SH3RF3: variants seen among roughly 807,000 people sequenced by gnomAD.
SH3RF3 encodes the protein SH3 domain containing ring finger 3.
A neutral mutation model predicts 66.3 loss-of-function variants in SH3RF3; 29 were observed. The observed-to-expected ratio is 0.44, with a 90% CI of 0.33 to 0.60. The LOEUF is 0.60. SH3RF3 is among the 20% of genes least tolerant of loss of function. The pLI is 0.04. For missense variants in SH3RF3, 1,194 were observed against 1,190.9 expected, an observed-to-expected ratio of 1.00 and a Z score of -0.04; for synonymous variants, 583 against 532.0, an observed-to-expected ratio of 1.10 and a Z score of -1.32.
At chr2:109,191,253 G>A (rs1374235955) in intron 1 of SH3RF3, among the ~76,000 whole-genome samples, 1 of 152,176 alleles carries the variant, frequency 6.6e-6, no homozygotes, top group Non-Finnish European at 1.5e-5. Context: ...CGGGAAGGTT[G>A]TTTCTGACAT....
intron 1 of SH3RF3, among the ~76,000 whole-genome samples, chr2:109,219,168 GGGCTACC>G (rs1679172272): frequency 6.6e-6 from 1 of 152,200 alleles, no homozygotes; most frequent in South Asian, 2.1e-4. Flanking sequence ...GAGGATAGAG[GGGCTACC>G]GCCTGGAGCA....
At chr2:109,423,140 C>T (rs964023911) in intron 5 of SH3RF3, among the ~76,000 whole-genome samples, 1 of 152,102 alleles carries the variant, frequency 6.6e-6, no homozygotes, top group Non-Finnish European at 1.5e-5. Context: ...ACCCAGATGG[C>T]ACCTGAGGGA....
intron 3 of SH3RF3, among the ~76,000 whole-genome samples, chr2:109,381,768 C>T (rs180860082): frequency 1.1e-4 from 16 of 152,146 alleles, no homozygotes; most frequent in Admixed American, 2.0e-4. Flanking sequence ...GCTCTCGCTT[C>T]GCAGAAGGGG....
At chr2:109,378,651 G>C (rs1000712447) in intron 3 of SH3RF3, among the ~76,000 whole-genome samples, 5 of 152,164 alleles carry the variant, frequency 3.3e-5, no homozygotes, top group African/African-American at 7.2e-5. Flanking sequence ...TGGTGTTTTT[G>C]AGGCTCGCTT....
chr2:109,431,341 G>A (rs578260060), intron 5 of SH3RF3, among the ~76,000 whole-genome samples: 96 of 152,328 alleles, frequency 6.3e-4, no homozygotes, highest in African/African-American at 2.0e-3. Flanking sequence ...ACCAGCTTCC[G>A]TGGCTGAATC....
At chr2:109,199,109 C>T (rs901972621) in intron 1 of SH3RF3, among the ~76,000 whole-genome samples, 19 of 151,972 alleles carry the variant, frequency 1.3e-4, no homozygotes, top group Non-Finnish European at 2.8e-4. Flanking sequence ...CCTGTAATCC[C>T]AGCACTTTGG....
At chr2:109,262,476 G>C (rs541059596) in intron 1 of SH3RF3, among the ~76,000 whole-genome samples, 1 of 152,186 alleles carries the variant, frequency 6.6e-6, no homozygotes. Context: ...GACAGTGTCC[G>C]GAGGCCCCAC....
At chr2:109,133,967 G>A (rs1285476208) in intron 1 of SH3RF3, among the ~76,000 whole-genome samples, 1 of 152,158 alleles carries the variant, frequency 6.6e-6, no homozygotes, top group East Asian at 1.9e-4. Context: ...GGTTAGTCCA[G>A]CTGGTCAGCT....
At chr2:109,372,100 A>C (rs1683285261) in intron 3 of SH3RF3, among the ~76,000 whole-genome samples, 1 of 152,202 alleles carries the variant, frequency 6.6e-6, no homozygotes, top group South Asian at 2.1e-4. Flanking sequence ...CACGGATTGG[A>C]AGGAACCGTT....
chr2:109,163,748 G>C (rs2104918423), intron 1 of SH3RF3, among the ~76,000 whole-genome samples: 1 of 152,252 alleles, frequency 6.6e-6, no homozygotes, highest in East Asian at 1.9e-4. Context: ...TGAGTAACTG[G>C]AATCGCCATC....
intron 1 of SH3RF3, among the ~76,000 whole-genome samples, chr2:109,242,093 A>G (rs914695280): frequency 6.6e-6 from 1 of 151,164 alleles, no homozygotes; most frequent in African/African-American, 2.4e-5. Context: ...CCTGCCACAC[A>G]GGGTGGCTCC....
intron 9 of SH3RF3, among the ~76,000 whole-genome samples, chr2:109,496,337 T>A (rs530914830): frequency 6.6e-6 from 1 of 152,288 alleles, no homozygotes; most frequent in East Asian, 1.9e-4. Flanking sequence ...TACAATCCTC[T>A]TGCTAGCTAC....
rs1017888293 is a variant in SH3RF3 at position 109,347,568 on chromosome 2, C to T, written c.574-106C>T. ...TTGCGGGGCACTCTGTATGCACCCC[C>T]AGGACACAGAAAGCCCCTGAGAAGC... On this transcript the variant is annotated intron_variant, in intron 1 of 9. Coordinates refer to ENST00000309415, the MANE Select transcript of SH3RF3 (RefSeq NM_001099289.3). 10 of 1,452,306 alleles carry T rather than the reference C, an allele frequency of 6.9e-6. No homozygotes were observed. The Admixed American group carries it at 1.8e-4, about 26-fold the overall frequency. 90.0% of individuals were successfully genotyped at this position (1,452,306 alleles called of 1,614,324 possible).
intron 1 of SH3RF3, among the ~76,000 whole-genome samples, chr2:109,210,775 T>G (rs955492759): frequency 2.0e-5 from 3 of 152,180 alleles, no homozygotes; most frequent in Non-Finnish European, 4.4e-5. Flanking sequence ...GTCGACTGCT[T>G]CTCTGGCAAG....
intron 3 of SH3RF3, 109 bp downstream of exon 3, chr2:109,371,790 C>G: frequency 1.1e-6 from 1 of 896,848 alleles, no homozygotes; most frequent in Non-Finnish European, 1.8e-6. Flanking sequence ...AAAGAGGATC[C>G]TCCACAATAG....
At chr2:109,436,343 C>T (rs1301752586) in intron 6 of SH3RF3, among the ~76,000 whole-genome samples, 1 of 152,186 alleles carries the variant, frequency 6.6e-6, no homozygotes, top group Non-Finnish European at 1.5e-5. Context: ...GAGCTGATGT[C>T]ATCTGGAAAC....
intron 1 of SH3RF3, among the ~76,000 whole-genome samples, chr2:109,143,318 A>T (rs944342687): frequency 3.3e-5 from 5 of 152,064 alleles, no homozygotes; most frequent in African/African-American, 1.2e-4. Context: ...TAGTTTGGAT[A>T]AAAAATGCCT....
At chr2:109,434,084 C>T (rs1362992743) in intron 6 of SH3RF3, among the ~76,000 whole-genome samples, 1 of 152,240 alleles carries the variant, frequency 6.6e-6, no homozygotes, top group Non-Finnish European at 1.5e-5. Flanking sequence ...CTTGAAGCCC[C>T]TGGCCTGGAG....
At chr2:109,157,483 T>C (rs1677374094) in intron 1 of SH3RF3, among the ~76,000 whole-genome samples, 1 of 152,214 alleles carries the variant, frequency 6.6e-6, no homozygotes, top group Non-Finnish European at 1.5e-5. Flanking sequence ...TTCCATACTC[T>C]CTGGACACCC....
Sources: gnomAD v4.1 joint callset for allele counts (sites outside exome capture counted in the v4.1 genomes callset) on GRCh38, gnomAD v4.1.1 for gene constraint, MANE v1.5 for transcripts, NCBI Gene and HGNC (gene_info 2026-07-23, HGNC 2026-07-21) for gene names.